Variants in SRGAP2C observed in about 807,000 individuals in gnomAD.
SRGAP2C encodes the protein SLIT-ROBO Rho GTPase activating protein 2C, also known as SLIT-ROBO Rho GTPase-activating protein 2C.
Under a neutral mutation model 25.1 loss-of-function variants are expected in SRGAP2C, and 15 were observed. The observed-to-expected ratio is 0.60, with a 90% CI of 0.40 to 0.92. The LOEUF (loss-of-function observed/expected upper bound fraction) is 0.92. Among genes scored for constraint, SRGAP2C ranks in the 40% least tolerant of loss-of-function variants. The pLI is 0.00. For synonymous variants in SRGAP2C, 44 were observed against 96.6 expected (o/e 0.46, Z 3.19); for missense variants, 144 against 264.4 (o/e 0.54, Z 3.16).
intron 2 of SRGAP2C, among the ~76,000 whole-genome samples, chr1:121,223,351 T>TTGCG (rs1175833878): frequency 2.9e-3 from 185 of 64,734 alleles, no homozygotes; most frequent in African/African-American, 6.1e-3. Context: ...TGGGAGGAGT[T>TTGCG]TGTGTGTGTG....
chr1:121,368,097 G>GA (rs1274868835), intron 5 of SRGAP2C, among the ~76,000 whole-genome samples: 53 of 96,364 alleles, frequency 5.5e-4, no homozygotes, highest in Non-Finnish European at 8.5e-4. Flanking sequence ...AAAGAAAAAG[G>GA]AAAAAAAGAG....
At chr1:121,372,896 CACACACACAT>C (rs1313924558) in intron 5 of SRGAP2C, among the ~76,000 whole-genome samples, 1 of 72,486 alleles carries the variant, frequency 1.4e-5, no homozygotes, top group African/African-American at 5.1e-5. Context: ...CACACACACA[CACACACACAT>C]GCACACACAC....
intron 4 of SRGAP2C, chr1:121,361,354 G>T (rs1342028011): frequency 1.4e-5 from 2 of 142,722 alleles, no homozygotes; most frequent in Admixed American, 1.4e-4. Flanking sequence ...GTCTAAGGAA[G>T]AGTGACCAGA....
rs1343177066 is a variant in SRGAP2C at position 121,359,595 on chromosome 1, C to G, written c.424-5698C>G. Among the ~76,000 whole-genome samples the G allele has an allele frequency of 2.2e-4, 34 of 152,220 alleles. 1 individual carries two copies. Among genetic ancestry groups the G allele is most frequent in the Admixed American group, 2.1e-3 (32 of 15,294 alleles). ...CCAGCCTGAGCAAACTCAGTGAGAT[C>G]CCATCTCTACAAAAATTACAAAAAT... On this transcript the variant is annotated intron_variant, in intron 4 of 9. Transcript: ENST00000367123.
chr1:121,391,402 A>G lies in SRGAP2C; in HGVS notation c.*3547A>G, dbSNP rs1660077651. ...TTGAACTTCACTCAGTGCAAGAGTG[A>G]ACACACACTTTGTGCCGGCTTTAAA... On this transcript the variant is annotated 3_prime_UTR_variant, in exon 10 of 10. Transcript: ENST00000367123. 6.6e-6 allele frequency: 1 copy of G among 151,134 alleles called. No individual in the cohort carries two copies. The highest frequency in any genetic ancestry group is 2.4e-5 in the African/African-American group (1 of 40,910). 9.4% of individuals were successfully genotyped at this position (151,134 alleles called of 1,614,324 possible). A position where few individuals can be genotyped will look rare whatever the true frequency, so the allele number is the denominator to read the frequency against.
At chr1:121,268,356 G>T (rs1282775330) in intron 2 of SRGAP2C, among the ~76,000 whole-genome samples, 1 of 151,520 alleles carries the variant, frequency 6.6e-6, no homozygotes, top group Non-Finnish European at 1.5e-5. Context: ...TGACCAGAGA[G>T]GCCAGTGTAG....
intron 2 of SRGAP2C, among the ~76,000 whole-genome samples, chr1:121,278,145 C>T (rs1416233758): frequency 1.3e-5 from 2 of 151,850 alleles, no homozygotes; most frequent in African/African-American, 4.8e-5. Flanking sequence ...TGGGATTTTG[C>T]CATGTTGCCC....
chr1:121,293,880 G>C (rs1418858656), intron 3 of SRGAP2C, among the ~76,000 whole-genome samples: 1 of 95,002 alleles, frequency 1.1e-5, no homozygotes, highest in Admixed American at 1.1e-4. Context: ...AACTTGGGAT[G>C]CAGCAGGTTG....
chr1:121,264,765 C>T (rs1291683656), intron 2 of SRGAP2C, among the ~76,000 whole-genome samples: 4 of 143,798 alleles, frequency 2.8e-5, no homozygotes, highest in Non-Finnish European at 4.6e-5. Flanking sequence ...TTTTACATTG[C>T]AATTACTTCT....
chr1:121,255,388 T>G (rs1217279522), intron 2 of SRGAP2C, among the ~76,000 whole-genome samples: 5 of 151,788 alleles, frequency 3.3e-5, no homozygotes, highest in African/African-American at 1.2e-4. Flanking sequence ...GTAGACGTTG[T>G]GGGACCAGGA....
intron 3 of SRGAP2C, among the ~76,000 whole-genome samples, chr1:121,308,446 A>G (rs1367519704): frequency 7.9e-5 from 12 of 151,440 alleles, no homozygotes; most frequent in Non-Finnish European, 1.5e-4. Context: ...GAGTTTGGGA[A>G]TTTCCAGAGA....
intron 7 of SRGAP2C, among the ~76,000 whole-genome samples, chr1:121,378,889 C>T (rs1265694559): frequency 6.6e-6 from 1 of 152,188 alleles, no homozygotes; most frequent in Non-Finnish European, 1.5e-5. Flanking sequence ...CTGTAGGAAT[C>T]CACGTGAGGC....
chr1:121,248,663 G>A (rs1217598078), intron 2 of SRGAP2C, among the ~76,000 whole-genome samples: 1 of 146,462 alleles, frequency 6.8e-6, no homozygotes, highest in African/African-American at 2.5e-5. Context: ...AGCCAGGATG[G>A]TCTCGATCTC....
Position 121,254,389 on chromosome 1 carries a change from G to A in SRGAP2C, c.68-30414G>A, listed in dbSNP as rs1290980003. ...GTTATAGGTACCCCCAGACCATTGC[G>A]TTAAAGCGTTCAGGATAGTGCTCTG... On this transcript the variant is annotated intron_variant, in intron 2 of 9. Transcript: ENST00000367123. Among the ~76,000 whole-genome samples, 43 of 65,060 alleles carry A rather than the reference G, an allele frequency of 6.6e-4. 18 individuals are homozygous for A. Among genetic ancestry groups the A allele is most frequent in the Non-Finnish European group, 1.3e-4 (4 of 30,990 alleles). 42.7% of individuals were successfully genotyped at this position (65,060 alleles called of 152,430 possible).
intron 2 of SRGAP2C, among the ~76,000 whole-genome samples, chr1:121,266,546 G>A (rs1452506857): frequency 6.7e-5 from 10 of 149,432 alleles, no homozygotes; most frequent in East Asian, 2.0e-4. Flanking sequence ...AAAAGGAAAC[G>A]AAGGAGTTGC....
chr1:121,204,624 A>ATC (rs1553322284), intron 2 of SRGAP2C, among the ~76,000 whole-genome samples: 1 of 152,184 alleles, frequency 6.6e-6, no homozygotes. Flanking sequence ...TTTTCTAATA[A>ATC]TTGATGTGTA....
At chr1:121,378,702 A>C (rs1292788103) in intron 7 of SRGAP2C, among the ~76,000 whole-genome samples, 1 of 152,108 alleles carries the variant, frequency 6.6e-6, no homozygotes. Flanking sequence ...GTTGCAGTCC[A>C]TTGCCATCTG....
At chr1:121,198,607 GGCTGTTGC>G (rs1654899687) in intron 2 of SRGAP2C, among the ~76,000 whole-genome samples, 2 of 134,598 alleles carry the variant, frequency 1.5e-5, no homozygotes. Context: ...CTGAAGAGTT[GGCTGTTGC>G]CAACTCTTCT....
chr1:121,286,606 C>T (rs1657372854), intron 3 of SRGAP2C, among the ~76,000 whole-genome samples: 1 of 152,200 alleles, frequency 6.6e-6, no homozygotes, highest in Admixed American at 6.6e-5. Flanking sequence ...TCAGCATCAT[C>T]TGTACTGTTA....
Sources: allele counts gnomAD v4.1 joint callset (sites outside exome capture counted in the v4.1 genomes callset), GRCh38; gene constraint gnomAD v4.1.1; transcripts MANE v1.5; gene names NCBI Gene and HGNC (gene_info 2026-07-23, HGNC 2026-07-21).